Variants in GRID2IP observed in about 807,000 individuals in gnomAD.
GRID2IP encodes Grid2 interacting protein, also known as delphilin.
In GRID2IP, 78 loss-of-function variants were observed where a neutral mutation model predicts 114.3. The ratio of observed to expected loss-of-function variants is 0.68; its 90% CI spans 0.57 to 0.82. The LOEUF is 0.82. Ranked by LOEUF, GRID2IP falls within the 40% of genes least tolerant of loss-of-function variation. The probability of loss-of-function intolerance (pLI) is 0.00; values close to 1 mark genes in which losing one functional copy is unlikely to be tolerated. For missense variants in GRID2IP, 1,727 were observed against 1,678.5 expected (o/e 1.03, Z -0.51); for synonymous variants, 809 against 724.0 (o/e 1.12, Z -1.89).
Position 6,497,851 on chromosome 7 carries a change from G to T in GRID2IP, c.3565-6C>A. On this transcript the variant is annotated splice_region_variant and splice_polypyrimidine_tract_variant and intron_variant, in intron 21 of 21. Coordinates refer to ENST00000457091, the MANE Select transcript of GRID2IP (RefSeq NM_001145118.2). ...TGCAGGTCACTCAGCGCTCGCTGGG[G>T]AGGGGGAACACAGAGGTAGGGTGGT... The T allele has an allele frequency of 6.5e-7, 1 of 1,549,164 alleles. No individual in the cohort carries two copies. The highest frequency in any genetic ancestry group is 8.7e-7 in the Non-Finnish European group (1 of 1,146,024).
rs928528006 is a variant in GRID2IP, at chr7:6,508,015, C to T, written c.2514G>A (p.Val838=). 1.3e-6 allele frequency: 2 copies of T among 1,549,912 alleles called. No homozygotes were observed. The highest frequency in any genetic ancestry group is 1.2e-5 in the South Asian group (1 of 84,052). ...MSVKRLRWEQ[V]ENSEGTIWGQ... ...CCCAGATGGTGCCTTCTGAGTTCTC[C>T]ACCTGTTCCCACCGCAAGCGCTTGA... is the stretch of plus-strand genomic sequence containing the variant. The change falls in exon 13 of 22, where the codon GTG becomes GTA. Residue 838 remains valine (V), a synonymous_variant. Coordinates refer to ENST00000457091, the MANE Select transcript of GRID2IP (RefSeq NM_001145118.2). This position sits in a 1 kb window ranked among gnomAD's most constrained non-coding sequence, Gnocchi z 5.6.
At chr7:6,542,980 G>A (rs781439670) in intron 1 of GRID2IP, among the ~76,000 whole-genome samples, 1 of 152,078 alleles carries the variant, frequency 6.6e-6, no homozygotes, top group Non-Finnish European at 1.5e-5. Context: ...GAGGACTTGT[G>A]GGTGCAACTT....
chr7:6,550,949 C>A, intron 1 of GRID2IP, 59 bp downstream of exon 1: 2 of 1,200,968 alleles, frequency 1.7e-6, no homozygotes, highest in Non-Finnish European at 2.1e-6. Flanking sequence ...CCGGCCCACT[C>A]CCTGCCCACA....
chr7:6,547,628 C>T (rs767101886), intron 1 of GRID2IP, among the ~76,000 whole-genome samples: 1 of 152,104 alleles, frequency 6.6e-6, no homozygotes, highest in Non-Finnish European at 1.5e-5. Flanking sequence ...AAAGTCACAG[C>T]TTTGGAAGAT....
In GRID2IP at chr7:6,506,838, G is replaced by A. The variant is rs1786606174; in HGVS notation, c.2545-931C>T. ...CTGGGACCACAGGCATGCACCACCA[G>A]GTCTGGCTAACTTTTTGATTTTTTT... On this transcript the variant is annotated intron_variant, in intron 13 of 21. Transcript: ENST00000457091. The surrounding 1 kb of genome is among the most constrained non-coding windows in gnomAD (Gnocchi z 5.2). 2.0e-5 allele frequency among the ~76,000 whole-genome samples: 3 copies of A among 152,076 alleles called. No individual in the cohort carries two copies. The highest frequency in any genetic ancestry group is 7.2e-5 in the African/African-American group (3 of 41,488).
Position 6,526,714 on chromosome 7 carries a change from G to A in GRID2IP, c.640C>T (p.Leu214Phe), listed in dbSNP as rs2115080201. 4 of 1,518,944 alleles carry A rather than the reference G, an allele frequency of 2.6e-6. No individual in the cohort carries two copies. The highest frequency in any genetic ancestry group is 2.8e-5 in the East Asian group (1 of 36,358). 94.1% of individuals were successfully genotyped at this position (1,518,944 alleles called of 1,614,324 possible). A position where few individuals can be genotyped will look rare whatever the true frequency, so the allele number is the denominator to read the frequency against. Reference sequence around the variant, plus strand: ...CGTGCGCGGCACAGCTTGCCCAGGAGGCCCTGAGACACCACCTCGTCGAAG... The same window carrying A: ...CGTGCGCGGCACAGCTTGCCCAGGAAGCCCTGAGACACCACCTCGTCGAAG... ...ARFDEVVSQG[L>F]LGKLCRARRA... Residue 214 changes from leucine (L) to phenylalanine (F), a missense_variant, in exon 3 of 22, where the codon CTC becomes TTC. Leu to Phe is a conservative substitution (Grantham distance 22). Coordinates refer to ENST00000457091, the MANE Select transcript of GRID2IP (RefSeq NM_001145118.2). The surrounding 1 kb of genome is among the most constrained non-coding windows in gnomAD (Gnocchi z 7.6).
Position 6,497,782 on chromosome 7 carries a change from C to A in GRID2IP, c.3628G>T (p.Ala1210Ser). 1 of 1,549,812 alleles carries A rather than the reference C, an allele frequency of 6.5e-7. No individual in the cohort carries two copies. Among genetic ancestry groups the A allele is most frequent in the Non-Finnish European group, 8.7e-7 (1 of 1,146,506 alleles). ...ACGCGGTGTGGCCACTGTCACCAGG[C>A]CAGGGGTGAAACCATCCCGGAGCTG... is the stretch of plus-strand genomic sequence containing the variant. ...LRSSGMVSPL[A>S]W Residue 1210 changes from alanine (A) to serine (S), a missense_variant, in exon 22 of 22, where the codon GCC becomes TCC. By Grantham distance (99) the Ala-to-Ser change is moderately conservative. Coordinates refer to ENST00000457091, the MANE Select transcript of GRID2IP (RefSeq NM_001145118.2).
At chr7:6,548,461 G>C (rs1298511965) in intron 1 of GRID2IP, among the ~76,000 whole-genome samples, 1 of 152,146 alleles carries the variant, frequency 6.6e-6, no homozygotes, top group African/African-American at 2.4e-5. Flanking sequence ...ATTTCACATT[G>C]CATGCCTGTA....
chr7:6,520,535 GCCCACCCAGGGCAGGGC>G lies in GRID2IP; in HGVS notation c.1268+26_1268+42del, dbSNP rs1306968297. 1 of 1,530,912 alleles carries G rather than the reference GCCCACCCAGGGCAGGGC, an allele frequency of 6.5e-7. No homozygotes were observed. Among genetic ancestry groups the G allele is most frequent in the African/African-American group, 1.4e-5 (1 of 72,684 alleles). 94.8% of individuals were successfully genotyped at this position (1,530,912 alleles called of 1,614,324 possible). The stretch of plus-strand genomic sequence containing the variant: ...GATGTGAGTCTAGGCAGGACTTAGG[GCCCACCCAGGGCAGGGC>G]CCCACCGCGGCTTTGGCCCGGCCAC... On this transcript the variant is annotated intron_variant, in intron 7 of 21. Coordinates refer to ENST00000457091, the MANE Select transcript of GRID2IP (RefSeq NM_001145118.2). This position sits in a 1 kb window ranked among gnomAD's most constrained non-coding sequence, Gnocchi z 4.6.
intron 2 of GRID2IP, among the ~76,000 whole-genome samples, chr7:6,531,589 T>A (rs1296126593): frequency 6.6e-6 from 1 of 152,118 alleles, no homozygotes; most frequent in East Asian, 1.9e-4. Flanking sequence ...CTGTTTACCC[T>A]CCCCGGGGTC....
At chr7:6,500,423 C>T (rs949840041) in intron 20 of GRID2IP, among the ~76,000 whole-genome samples, 2 of 152,134 alleles carry the variant, frequency 1.3e-5, no homozygotes, top group Non-Finnish European at 2.9e-5. Context: ...GAGATCGCAC[C>T]ATTGCACTCC....
chr7:6,551,122 CG>C lies in GRID2IP; in HGVS notation c.314del (p.Pro105ArgfsTer7). 7.7e-7 allele frequency: 1 copy of C among 1,298,994 alleles called. No individual in the cohort carries two copies. Among genetic ancestry groups the C allele is most frequent in the Non-Finnish European group, 9.7e-7 (1 of 1,027,774 alleles). The allele number at this position is 1,298,994 out of a possible 1,614,324, so 80.5% of individuals were successfully genotyped here. ...CCAGAGCTAGGCCGCGGCCGCACCG[CG>C]GGGCCCGCAAGACTGTGGTCGGGGC... Reference protein sequence around the residue: ...PAAPTTVLRAPRCGRGLALGR... With the variant: ...PAAPTTVLRAXRCGRGLALGR... On this transcript the variant is annotated frameshift_variant, in exon 1 of 22. Transcript: ENST00000457091. LOFTEE classifies it high-confidence loss of function.
In GRID2IP at chr7:6,497,652, G is replaced by C. The variant is rs1786291857; in HGVS notation, c.*122C>G. On this transcript the variant is annotated 3_prime_UTR_variant, in exon 22 of 22. Coordinates refer to ENST00000457091, the MANE Select transcript of GRID2IP (RefSeq NM_001145118.2). ...CAGCTCGGCGGCTGAGGTAGCTGCA[G>C]GAGAGGCTGGCGGTGTGCTCAGAGC... is the stretch of plus-strand genomic sequence containing the variant. The C allele has an allele frequency of 8.9e-6, 6 of 671,142 alleles. No individual in the cohort carries two copies. The highest frequency in any genetic ancestry group is 3.1e-5 in the Admixed American group (1 of 32,270). 41.6% of individuals were successfully genotyped at this position (671,142 alleles called of 1,614,324 possible).
intron 2 of GRID2IP, among the ~76,000 whole-genome samples, chr7:6,530,320 G>C (rs925255071): frequency 2.0e-5 from 3 of 150,466 alleles, no homozygotes; most frequent in East Asian, 3.9e-4. Flanking sequence ...ATGGAGTGCA[G>C]GGGTACACTC....
Position 6,497,729 on chromosome 7 carries a change from C to A in GRID2IP, c.*45G>T. 7 of 1,457,282 alleles carry A rather than the reference C, an allele frequency of 4.8e-6. No individual in the cohort carries two copies. Among genetic ancestry groups the A allele is most frequent in the Non-Finnish European group, 6.5e-6 (7 of 1,068,714 alleles). 90.3% of individuals were successfully genotyped at this position (1,457,282 alleles called of 1,614,324 possible). On this transcript the variant is annotated 3_prime_UTR_variant, in exon 22 of 22. Transcript: ENST00000457091. ...GCAGTGTCTGGGCTGCCCTCTCGGC[C>A]TCCATCTCCCTGCTCAGGCCGCAGA...
At position 6,536,527 on chromosome 7, in the gene GRID2IP, G is replaced by A. The variant is rs374949487; in HGVS notation, c.584+3191C>T. Among the ~76,000 whole-genome samples, 1 of 151,910 alleles carries A rather than the reference G, an allele frequency of 6.6e-6. No homozygotes were observed. The highest frequency in any genetic ancestry group is 2.0e-4 in the East Asian group (1 of 5,102). On this transcript the variant is annotated intron_variant, in intron 2 of 21. Transcript: ENST00000457091. This position sits in a 1 kb window ranked among gnomAD's most constrained non-coding sequence, Gnocchi z 5.3. Reference sequence around the variant, plus strand: ...GGGGGCAGGCGGGCTGGCCCGGGAGGGGGCAGGAACAGACACCGGCAGCGC... The same window carrying A: ...GGGGGCAGGCGGGCTGGCCCGGGAGAGGGCAGGAACAGACACCGGCAGCGC...
At chr7:6,544,907 C>T (rs1226925616) in intron 1 of GRID2IP, among the ~76,000 whole-genome samples, 2 of 151,766 alleles carry the variant, frequency 1.3e-5, no homozygotes, top group Admixed American at 1.3e-4. Context: ...CGGTGAAACC[C>T]CGTCTCTACT....
Position 6,520,969 on chromosome 7 carries a change from G to A in GRID2IP, c.1085-208C>T, listed in dbSNP as rs138468143. ...AGGGTCCCTAAGGCTATACACTAGG[G>A]TTTTTTGTTTGTTTGTTTTGAGACA... On this transcript the variant is annotated intron_variant, in intron 6 of 21. Transcript: ENST00000457091. The surrounding 1 kb of genome is among the most constrained non-coding windows in gnomAD (Gnocchi z 4.6). Among the ~76,000 whole-genome samples, 317 of 152,048 alleles carry A rather than the reference G, an allele frequency of 2.1e-3. 1 individual carries two copies. Among genetic ancestry groups the A allele is most frequent in the African/African-American group, 7.3e-3 (301 of 41,410 alleles).
rs1779372813 is a variant in GRID2IP at position 6,519,496 on chromosome 7, G to C, written c.1268+1082C>G. On this transcript the variant is annotated intron_variant, in intron 7 of 21. Coordinates refer to ENST00000457091, the MANE Select transcript of GRID2IP (RefSeq NM_001145118.2). This position sits in a 1 kb window ranked among gnomAD's most constrained non-coding sequence, Gnocchi z 4.1. ...AACCAGGCCAGGTGCGGTGACTCAT[G>C]CCTGTAATCCCAGCACTTTGGGAGG... is the stretch of plus-strand genomic sequence containing the variant. Among the ~76,000 whole-genome samples, 1 of 152,076 alleles carries C rather than the reference G, an allele frequency of 6.6e-6. No individual in the cohort carries two copies. Among genetic ancestry groups the C allele is most frequent in the African/African-American group, 2.4e-5 (1 of 41,426 alleles).
Sources: allele counts gnomAD v4.1 joint callset (sites outside exome capture counted in the v4.1 genomes callset), GRCh38; gene constraint gnomAD v4.1.1; non-coding constraint Gnocchi (gnomAD v3.1); transcripts MANE v1.5; gene names NCBI Gene and HGNC (gene_info 2026-07-23, HGNC 2026-07-21).